CBR4: variants seen among roughly 807,000 people sequenced by gnomAD.
CBR4 encodes 3-oxoacyl-[acyl-carrier-protein] reductase.
A neutral mutation model predicts 21.0 loss-of-function variants in CBR4; 22 were observed. The ratio of observed to expected loss-of-function variants is 1.05; its 90% CI spans 0.75 to 1.50. CBR4 has a LOEUF of 1.50. Among genes scored for constraint, CBR4 ranks in the 40% most tolerant of loss-of-function variants. The pLI is 0.00. For missense variants in CBR4, 302 were observed against 286.3 expected (o/e 1.05, Z -0.40); for synonymous variants, 100 against 104.4 (o/e 0.96, Z 0.26).
At chr4:168,967,013 TA>T (rs59484681) in intron 2 of CBR4, among the ~76,000 whole-genome samples, 92 of 143,736 alleles carry the variant, frequency 6.4e-4, no homozygotes, top group African/African-American at 1.7e-3. Context: ...AAACTCCATC[TA>T]AAAAAAAAAA....
chr4:168,920,096 GAAC>G (rs770412297), intron 2 of CBR4, among the ~76,000 whole-genome samples: 3 of 152,238 alleles, frequency 2.0e-5, no homozygotes, highest in Admixed American at 6.5e-5. Context: ...CTAGATGTGG[GAAC>G]AACAAGGAGC....
Position 168,903,825 on chromosome 4 carries a change from C to T in CBR4, n.170-9060G>A, listed in dbSNP as rs863224382. The T allele has an allele frequency of 4.3e-6, 7 of 1,612,238 alleles. No homozygotes were observed. The highest frequency in any genetic ancestry group is 5.9e-6 in the Non-Finnish European group (7 of 1,178,366). Reference sequence around the variant, plus strand: ...ATCACTACACCATTCAAAGAGATCTCGATGGGACCTGCTCCCTCCATACCA... The same window carrying T: ...ATCACTACACCATTCAAAGAGATCTTGATGGGACCTGCTCCCTCCATACCA... On this transcript the variant is annotated intron_variant and non_coding_transcript_variant, in intron 2 of 3. Coordinates refer to the CBR4 transcript ENST00000509108.
At chr4:168,977,756 T>C (rs971420727) in intron 2 of CBR4, among the ~76,000 whole-genome samples, 10 of 152,360 alleles carry the variant, frequency 6.6e-5, no homozygotes, top group South Asian at 2.1e-4. Flanking sequence ...CCTGCTCTTA[T>C]GCAGTGTTTT....
At chr4:168,952,146 G>A (rs1273682032) in intron 2 of CBR4, among the ~76,000 whole-genome samples, 2 of 152,088 alleles carry the variant, frequency 1.3e-5, no homozygotes, top group Non-Finnish European at 2.9e-5. Context: ...GTTGGATTGG[G>A]TTAATTTGTA....
intron 2 of CBR4, among the ~76,000 whole-genome samples, chr4:168,964,081 G>A (rs1763945607): frequency 6.6e-6 from 1 of 152,162 alleles, no homozygotes; most frequent in East Asian, 1.9e-4. Context: ...CATCCAGCAC[G>A]TGGGAAATTT....
At chr4:169,003,072 T>A (rs982236950) in intron 3 of CBR4, among the ~76,000 whole-genome samples, 18 of 152,212 alleles carry the variant, frequency 1.2e-4, no homozygotes, top group African/African-American at 4.1e-4. Flanking sequence ...TAACACAATA[T>A]CCTTTCTTCA....
At chr4:168,911,035 TTAA>T (rs1758842532) in intron 2 of CBR4, among the ~76,000 whole-genome samples, 1 of 152,184 alleles carries the variant, frequency 6.6e-6, no homozygotes, top group African/African-American at 2.4e-5. Context: ...TATGAGGAAT[TTAA>T]TAATGATAAT....
chr4:168,936,532 C>G (rs1266720471), intron 2 of CBR4, among the ~76,000 whole-genome samples: 2 of 151,906 alleles, frequency 1.3e-5, no homozygotes, highest in African/African-American at 2.4e-5. Flanking sequence ...AGCTAAGAAG[C>G]TTGAAAAAAG....
chr4:168,975,020 T>C (rs866494890), intron 2 of CBR4, among the ~76,000 whole-genome samples: 1 of 152,212 alleles, frequency 6.6e-6, no homozygotes, highest in Non-Finnish European at 1.5e-5. Context: ...TCTGATTTCT[T>C]CTCATTTGGG....
intron 2 of CBR4, among the ~76,000 whole-genome samples, chr4:168,967,129 A>C (rs1041434772): frequency 8.5e-5 from 13 of 152,212 alleles, no homozygotes; most frequent in Non-Finnish European, 1.3e-4. Context: ...ATGATAGAGT[A>C]GATTAAGAAA....
At chr4:169,005,648 G>C (rs4692558) in intron 3 of CBR4, among the ~76,000 whole-genome samples, 1 of 152,040 alleles carries the variant, frequency 6.6e-6, no homozygotes, top group Non-Finnish European at 1.5e-5. Context: ...TTGCCTGCTT[G>C]TAAGTATCCA....
At chr4:168,996,853 G>GGTTATATATATATT (rs1765229897) in intron 4 of CBR4, among the ~76,000 whole-genome samples, 1 of 152,126 alleles carries the variant, frequency 6.6e-6, no homozygotes, top group African/African-American at 2.4e-5. Flanking sequence ...TAAAGGTTAT[G>GGTTATATATATATT]AACCACGTGA....
intron 2 of CBR4, chr4:168,925,208 G>GCT (rs536545858): frequency 1.9e-6 from 3 of 1,583,096 alleles, no homozygotes; most frequent in African/African-American, 1.3e-5. Context: ...AATTCATATT[G>GCT]CTCTCTCTCT....
At position 168,989,412 on chromosome 4, in the gene CBR4, ATTATT is replaced by A. The variant is rs913646253; in HGVS notation, c.*733_*737del. 1 of 985,458 alleles carries A rather than the reference ATTATT, an allele frequency of 1.0e-6. No homozygotes were observed. Among genetic ancestry groups the A allele is most frequent in the Non-Finnish European group, 1.2e-6 (1 of 829,918 alleles). The allele number at this position is 985,458 out of a possible 1,614,324, so 61.0% of individuals were successfully genotyped here. ...AAATGCGCCACATTTAAATTTGCAG[ATTATT>A]TTGTCTAGCTGCTCAATCAAGAGAA... On this transcript the variant is annotated 3_prime_UTR_variant, in exon 5 of 5. Transcript: ENST00000306193.
chr4:168,919,515 A>ACTGT (rs1179024460), intron 2 of CBR4, among the ~76,000 whole-genome samples: 1 of 150,348 alleles, frequency 6.7e-6, no homozygotes, highest in Admixed American at 6.6e-5. Flanking sequence ...AAGGAGCAAG[A>ACTGT]CTGTCTTAAA....
intron 2 of CBR4, among the ~76,000 whole-genome samples, chr4:168,946,265 T>C (rs1242261030): frequency 6.6e-6 from 1 of 152,210 alleles, no homozygotes; most frequent in Non-Finnish European, 1.5e-5. Context: ...CAGTCAGCTT[T>C]CCAGGCAGGA....
chr4:168,924,131 C>A, intron 2 of CBR4: 1 of 800,614 alleles, frequency 1.2e-6, no homozygotes, highest in Non-Finnish European at 2.1e-6. Context: ...TAGCATCTTA[C>A]CACCTGGAGT....
intron 2 of CBR4, among the ~76,000 whole-genome samples, chr4:168,917,347 C>G (rs934825888): frequency 6.6e-6 from 1 of 152,164 alleles, no homozygotes; most frequent in Admixed American, 6.5e-5. Context: ...CACACCCGGC[C>G]TACAGCAAGG....
In CBR4 at chr4:168,988,289, G is replaced by A. The variant is rs1578987078; in HGVS notation, c.*1861C>T. On this transcript the variant is annotated 3_prime_UTR_variant, in exon 5 of 5. Coordinates refer to ENST00000306193, the MANE Select transcript of CBR4 (RefSeq NM_032783.5). ...ATAGGCTGGGGGAGGAGGTGGAATAGCTTAAAAGGTTATATTTCTTATTTT... is the reference window on the plus strand; with the variant it reads ...ATAGGCTGGGGGAGGAGGTGGAATAACTTAAAAGGTTATATTTCTTATTTT... The A allele has an allele frequency of 1.0e-6, 1 of 984,898 alleles. No homozygotes were observed. The highest frequency in any genetic ancestry group is 1.1e-4 in the East Asian group (1 of 8,832). 61.0% of individuals were successfully genotyped at this position (984,898 alleles called of 1,614,324 possible).
Sources: allele counts gnomAD v4.1 joint callset (sites outside exome capture counted in the v4.1 genomes callset), GRCh38; gene constraint gnomAD v4.1.1; transcripts MANE v1.5; gene names NCBI Gene and HGNC (gene_info 2026-07-23, HGNC 2026-07-21).